SNX29: variants seen among roughly 807,000 people sequenced by gnomAD.
SNX29 encodes sorting nexin 29.
Under a neutral mutation model 102.1 loss-of-function variants are expected in SNX29, and 78 were observed. The ratio of observed to expected loss-of-function variants is 0.76; its 90% CI spans 0.64 to 0.92. The LOEUF is 0.92. Ranked by LOEUF, SNX29 falls within the 40% of genes least tolerant of loss-of-function variation. The pLI is 0.00. For missense variants in SNX29, 1,280 were observed against 1,061.7 expected, an observed-to-expected ratio of 1.21 and a Z score of -2.86; for synonymous variants, 580 against 414.5, an observed-to-expected ratio of 1.40 and a Z score of -4.85.
chr16:12,249,385 C>T (rs2078356525), intron 14 of SNX29, among the ~76,000 whole-genome samples: 1 of 152,174 alleles, frequency 6.6e-6, no homozygotes, highest in Admixed American at 6.5e-5. Context: ...AAAGACAAGC[C>T]CACGTGCAAG....
At position 12,230,796 on chromosome 16, in the gene SNX29, A is replaced by G. The variant is rs137972071; in HGVS notation, c.1678+31113A>G. ...TGCAATTGTGACTCTTAAGAATAAA[A>G]ATGTTTCTCCCTTGTAATAAGTCGT... On this transcript the variant is annotated intron_variant, in intron 14 of 20. Transcript: ENST00000566228. 2.4e-4 allele frequency among the ~76,000 whole-genome samples: 36 copies of G among 151,886 alleles called. No individual in the cohort carries two copies. The East Asian group carries it at 6.6e-3, about 28-fold the overall frequency.
chr16:12,563,333 G>C (rs143067293), intron 20 of SNX29, among the ~76,000 whole-genome samples: 4 of 152,320 alleles, frequency 2.6e-5, no homozygotes, highest in South Asian at 4.1e-4. Context: ...TCACCGTCGA[G>C]GAGTGGCCAT....
chr16:12,519,087 G>A (rs554606108), intron 19 of SNX29, among the ~76,000 whole-genome samples: 13 of 152,292 alleles, frequency 8.5e-5, no homozygotes, highest in Admixed American at 3.3e-4. Flanking sequence ...AGGCACTCCC[G>A]GCTTAGCCCC....
chr16:12,301,353 A>C (rs1256262734), intron 15 of SNX29, among the ~76,000 whole-genome samples: 1 of 150,792 alleles, frequency 6.6e-6, no homozygotes, highest in East Asian at 1.9e-4. Context: ...TCCTCGTTCT[A>C]CTCTCCAGCC....
At chr16:12,459,314 C>T (rs1022640796) in intron 18 of SNX29, among the ~76,000 whole-genome samples, 12 of 151,936 alleles carry the variant, frequency 7.9e-5, no homozygotes, top group Admixed American at 5.2e-4. Flanking sequence ...CCTCAGCTCT[C>T]TCCCTGTCAT....
chr16:11,976,788 C>A lies in SNX29; in HGVS notation c.-19C>A. The A allele has an allele frequency of 7.4e-7, 1 of 1,357,190 alleles. No individual in the cohort carries two copies. Among genetic ancestry groups the A allele is most frequent in the Non-Finnish European group, 9.5e-7 (1 of 1,053,608 alleles). 84.1% of individuals were successfully genotyped at this position (1,357,190 alleles called of 1,614,324 possible). ...AGCGGCGGCGGCGCGGCGCAGGCAC[C>A]GGCCCGGGGAGAGGCACCATGAGCG... On this transcript the variant is annotated 5_prime_UTR_variant, in exon 1 of 21. Coordinates refer to ENST00000566228, the MANE Select transcript of SNX29 (RefSeq NM_032167.5).
intron 18 of SNX29, among the ~76,000 whole-genome samples, chr16:12,414,615 C>T (rs73515943): frequency 0.11 from 17,463 of 152,240 alleles, 1,103 homozygotes; most frequent in Middle Eastern, 0.19. Context: ...TCTGCTCCCT[C>T]ACCTGAAGGG....
chr16:12,521,633 CAG>C (rs748457431), intron 19 of SNX29, among the ~76,000 whole-genome samples: 3 of 152,170 alleles, frequency 2.0e-5, no homozygotes, highest in Non-Finnish European at 2.9e-5. Flanking sequence ...CTTCCTGTAG[CAG>C]AGTCTATCAA....
intron 20 of SNX29, among the ~76,000 whole-genome samples, chr16:12,552,730 G>T (rs1284301366): frequency 6.6e-6 from 1 of 152,248 alleles, no homozygotes; most frequent in Non-Finnish European, 1.5e-5. Flanking sequence ...AAGAGACATG[G>T]TATCTCCAGT....
intron 8 of SNX29, among the ~76,000 whole-genome samples, chr16:12,058,224 A>G (rs540359234): frequency 1.4e-5 from 2 of 141,688 alleles, no homozygotes; most frequent in Non-Finnish European, 3.3e-5. Context: ...AAAAAAAGAC[A>G]TGTGGGAAAC....
intron 11 of SNX29, among the ~76,000 whole-genome samples, chr16:12,114,987 A>T (rs142783814): frequency 4.3e-4 from 65 of 152,274 alleles, no homozygotes; most frequent in East Asian, 3.1e-3. Context: ...CCCTGCTAGC[A>T]GTTGCTATTA....
At chr16:12,393,247 T>G (rs1352477183) in intron 16 of SNX29, among the ~76,000 whole-genome samples, 2 of 152,198 alleles carry the variant, frequency 1.3e-5, no homozygotes, top group African/African-American at 4.8e-5. Context: ...AAGAAAGAAA[T>G]AAGATTCTCT....
intron 14 of SNX29, among the ~76,000 whole-genome samples, chr16:12,247,541 C>T (rs1287288788): frequency 6.6e-6 from 1 of 152,152 alleles, no homozygotes; most frequent in Non-Finnish European, 1.5e-5. Flanking sequence ...GAGAAAGGAA[C>T]TGGGCACCTG....
intron 20 of SNX29, among the ~76,000 whole-genome samples, chr16:12,541,767 C>A (rs1409474334): frequency 1.3e-5 from 2 of 152,160 alleles, no homozygotes; most frequent in Non-Finnish European, 2.9e-5. Flanking sequence ...TGATACTGAC[C>A]TGCGTTTCCA....
At chr16:12,337,346 T>C (rs2081482032) in intron 15 of SNX29, among the ~76,000 whole-genome samples, 1 of 151,976 alleles carries the variant, frequency 6.6e-6, no homozygotes, top group South Asian at 2.1e-4. Context: ...GGTGTTTTGT[T>C]GTTGTTGTTG....
rs66825746 is a variant in SNX29, at chr16:12,557,015, A to ACACCCCCCCCCCCC, written c.2319-11490_2319-11489insACCCCCCCCCCCCC. ...GGTACACACCACATCTGGCTAATTT[A>ACACCCCCCCCCCCC]CCCCCCCCCCGCCCCAAGATGAGGT... is the stretch of plus-strand genomic sequence containing the variant. On this transcript the variant is annotated intron_variant, in intron 20 of 20. Transcript: ENST00000566228. Among the ~76,000 whole-genome samples the ACACCCCCCCCCCCC allele has an allele frequency of 2.3e-3, 74 of 31,826 alleles. 9 individuals are homozygous for ACACCCCCCCCCCCC. The highest frequency in any genetic ancestry group is 3.1e-3 in the African/African-American group (23 of 7,348). The allele number at this position is 31,826 out of a possible 152,430, so 20.9% of individuals were successfully genotyped here. A position where few individuals can be genotyped will look rare whatever the true frequency, so the allele number is the denominator to read the frequency against.
intron 18 of SNX29, among the ~76,000 whole-genome samples, chr16:12,437,686 T>TGG (rs767087653): frequency 1.3e-5 from 2 of 152,104 alleles, no homozygotes; most frequent in African/African-American, 2.4e-5. Flanking sequence ...CCAGAGTCCC[T>TGG]GGGAGGGGTC....
intron 3 of SNX29, among the ~76,000 whole-genome samples, chr16:12,006,487 G>T (rs951319856): frequency 4.1e-5 from 6 of 146,022 alleles, no homozygotes; most frequent in African/African-American, 1.5e-4. Flanking sequence ...TTGCGTTCCA[G>T]CCTGGGCAAC....
chr16:12,299,881 C>A (rs898979325), intron 15 of SNX29, among the ~76,000 whole-genome samples: 15 of 128,544 alleles, frequency 1.2e-4, no homozygotes, highest in Non-Finnish European at 5.1e-5. Flanking sequence ...TTCTTTTTTT[C>A]TTTCTTTGAG....
Sources: allele counts gnomAD v4.1 joint callset (sites outside exome capture counted in the v4.1 genomes callset), GRCh38; gene constraint gnomAD v4.1.1; transcripts MANE v1.5; gene names NCBI Gene and HGNC (gene_info 2026-07-23, HGNC 2026-07-21).